The following SBNO2 variants were observed in gnomAD, a reference collection of about 807,000 sequenced individuals.
The protein encoded by SBNO2 is protein strawberry notch homolog 2.
In SBNO2, 89 loss-of-function variants were observed where a neutral mutation model predicts 146.3. The observed-to-expected ratio is 0.61, with a 90% CI of 0.51 to 0.73. SBNO2 has a LOEUF of 0.73. Ranked by LOEUF, SBNO2 falls within the 30% of genes least tolerant of loss-of-function variation. SBNO2 has a pLI of 0.00. For missense variants in SBNO2, 2,092 were observed against 2,003.7 expected, an observed-to-expected ratio of 1.04 and a Z score of -0.84; for synonymous variants, 1,147 against 892.6, an observed-to-expected ratio of 1.29 and a Z score of -5.08.
intron 17 of SBNO2, 134 bp from the exon 18 acceptor site, chr19:1,114,556 G>A: frequency 1.4e-6 from 1 of 710,222 alleles, no homozygotes; most frequent in South Asian, 2.3e-5. Context: ...CTGCCTCTGG[G>A]CAAGCAGCTC....
intron 4 of SBNO2, among the ~76,000 whole-genome samples, chr19:1,142,961 T>C (rs1169267509): frequency 6.6e-6 from 1 of 151,740 alleles, no homozygotes; most frequent in Admixed American, 6.6e-5. Flanking sequence ...TAAGAGTCGG[T>C]CTCCAGAAAA....
At chr19:1,151,114 A>G (rs2080238456) in intron 2 of SBNO2, among the ~76,000 whole-genome samples, 2 of 152,212 alleles carry the variant, frequency 1.3e-5, no homozygotes, top group Non-Finnish European at 2.9e-5. Context: ...GAAGAGAGAA[A>G]GCCAGCCCTG....
In SBNO2 at chr19:1,123,036, C is replaced by A; in HGVS notation, c.638G>T (p.Gly213Val). ...ADYVPSKSKI[G>V]KQHPDRVVET... The stretch of plus-strand genomic sequence containing the variant: ...CACCACGCGGTCTGGGTGCTGCTTC[C>A]CGATCTTGGCTGGAGGAGCAAGGAC... Residue 213 changes from glycine to valine, a missense_variant, in exon 8 of 32, where the codon GGG becomes GTG. Gly to Val is a moderately radical substitution (Grantham distance 109). Transcript: ENST00000361757. The A allele has an allele frequency of 6.3e-7, 1 of 1,592,240 alleles. No homozygotes were observed. Among genetic ancestry groups the A allele is most frequent in the East Asian group, 2.3e-5 (1 of 43,814 alleles).
chr19:1,117,069 C>T, intron 15 of SBNO2, 143 bp from the exon 16 acceptor site: 1 of 838,214 alleles, frequency 1.2e-6, no homozygotes, highest in Admixed American at 2.6e-5. Flanking sequence ...GGCCCCCCTA[C>T]AACACACACT....
Position 1,122,572 on chromosome 19 carries a change from G to A in SBNO2, c.915-14C>T. The A allele has an allele frequency of 6.5e-7, 1 of 1,527,004 alleles. No individual in the cohort carries two copies. Among genetic ancestry groups the A allele is most frequent in the East Asian group, 2.5e-5 (1 of 40,612 alleles). The allele number at this position is 1,527,004 out of a possible 1,614,324, so 94.6% of individuals were successfully genotyped here. On this transcript the variant is annotated splice_polypyrimidine_tract_variant and intron_variant, in intron 9 of 31. Transcript: ENST00000361757. ...GAGACGCTGAACCTGCGGGGTGGGG[G>A]CGTCAGGCGCGCCCACCCTTCCCCC...
intron 2 of SBNO2, among the ~76,000 whole-genome samples, chr19:1,152,928 G>A (rs116958644): frequency 0.05 from 7,625 of 152,168 alleles, 366 homozygotes; most frequent in East Asian, 0.25. Flanking sequence ...CAAGGCAGGC[G>A]GGTCAACTGA....
chr19:1,157,825 G>A lies in SBNO2; in HGVS notation c.-126-3423C>T, dbSNP rs191269440. Among the ~76,000 whole-genome samples the A allele has an allele frequency of 1.3e-5, 2 of 151,770 alleles. No individual in the cohort carries two copies. Among genetic ancestry groups the A allele is most frequent in the Admixed American group, 1.3e-4 (2 of 15,272 alleles). The stretch of plus-strand genomic sequence containing the variant: ...CGCCTCCCAGCTCTCTCCTGAGTCC[G>A]GGTAACTGCGTCCGCCTCCCAGCTC... On this transcript the variant is annotated intron_variant, in intron 1 of 31. Transcript: ENST00000361757. The surrounding 1 kb of genome is among the most constrained non-coding windows in gnomAD (Gnocchi z 6.8).
chr19:1,109,426 G>A lies in SBNO2; in HGVS notation c.3217-3C>T, dbSNP rs1204565170. The A allele has an allele frequency of 6.4e-7, 1 of 1,563,382 alleles. No homozygotes were observed. Among genetic ancestry groups the A allele is most frequent in the Non-Finnish European group, 8.7e-7 (1 of 1,155,084 alleles). ...CAGCTGGGCTTGTTACCGCGGACCTGCGGAGGGGGGCGTTGAGGCCGCGCC... is the reference window on the plus strand; with the variant it reads ...CAGCTGGGCTTGTTACCGCGGACCTACGGAGGGGGGCGTTGAGGCCGCGCC... On this transcript the variant is annotated splice_polypyrimidine_tract_variant and splice_region_variant and intron_variant, in intron 28 of 31. Coordinates refer to ENST00000361757, the MANE Select transcript of SBNO2 (RefSeq NM_014963.3). This position sits in a 1 kb window ranked among gnomAD's most constrained non-coding sequence, Gnocchi z 4.2.
Position 1,165,382 on chromosome 19 carries a change from C to T in SBNO2, c.-127+8790G>A, listed in dbSNP as rs528725580. Among the ~76,000 whole-genome samples, 208 of 152,296 alleles carry T rather than the reference C, an allele frequency of 1.4e-3. 3 individuals carry two copies. The highest frequency in any genetic ancestry group is 4.7e-3 in the African/African-American group (197 of 41,560). On this transcript the variant is annotated intron_variant, in intron 1 of 31. Coordinates refer to ENST00000361757, the MANE Select transcript of SBNO2 (RefSeq NM_014963.3). The stretch of plus-strand genomic sequence containing the variant: ...CCAGGGGGACGTCGTGGCTGAGATG[C>T]GAGCAGGGTGCCGGGCACCCCCAAG...
intron 4 of SBNO2, among the ~76,000 whole-genome samples, chr19:1,131,713 G>T (rs1177474400): frequency 6.6e-6 from 1 of 152,180 alleles, no homozygotes; most frequent in African/African-American, 2.4e-5. Context: ...GAAAGCCACA[G>T]CTCTGGGTCC....
intron 1 of SBNO2, among the ~76,000 whole-genome samples, chr19:1,171,926 A>G (rs776496527): frequency 2.0e-5 from 3 of 152,186 alleles, no homozygotes; most frequent in Non-Finnish European, 4.4e-5. Context: ...CTCCAAAGCC[A>G]ACCAAGAGTG....
chr19:1,142,161 A>ATGATCAACCCTCC, intron 4 of SBNO2, among the ~76,000 whole-genome samples: 1 of 2,624 alleles, frequency 3.8e-4, no homozygotes, highest in African/African-American at 1.3e-3. Flanking sequence ...ATCAATCCTC[A>ATGATCAACCCTCC]CTCAATGACC....
At position 1,158,377 on chromosome 19, in the gene SBNO2, A is replaced by T. The variant is rs961853569; in HGVS notation, c.-126-3975T>A. ...TGTGGACACGGAGGCCCCTAGGTGG[A>T]GCCTTGACGTGACCCCCAGAGCCAG... On this transcript the variant is annotated intron_variant, in intron 1 of 31. Transcript: ENST00000361757. The surrounding 1 kb of genome is among the most constrained non-coding windows in gnomAD (Gnocchi z 9.9). Among the ~76,000 whole-genome samples, 3 of 151,986 alleles carry T rather than the reference A, an allele frequency of 2.0e-5. No individual in the cohort carries two copies. Among genetic ancestry groups the T allele is most frequent in the African/African-American group, 4.8e-5 (2 of 41,356 alleles).
intron 4 of SBNO2, chr19:1,131,993 G>C: frequency 1.1e-6 from 1 of 886,290 alleles, no homozygotes; most frequent in Non-Finnish European, 1.6e-6. Context: ...ATGAGATGCC[G>C]GCTGCTCCGG....
At chr19:1,152,515 G>A (rs1251940627) in intron 2 of SBNO2, among the ~76,000 whole-genome samples, 2 of 152,136 alleles carry the variant, frequency 1.3e-5, no homozygotes, top group African/African-American at 4.8e-5. Flanking sequence ...CCAGGAGGCT[G>A]ACCGACGGCC....
At position 1,108,831 on chromosome 19, in the gene SBNO2, G is replaced by A. The variant is rs1390652040; in HGVS notation, c.3564C>T (p.Ser1188=). 1.2e-6 allele frequency: 2 copies of A among 1,602,018 alleles called. No homozygotes were observed. The highest frequency in any genetic ancestry group is 1.3e-5 in the African/African-American group (1 of 74,968). Residue 1188 remains serine (S), a synonymous_variant, in exon 31 of 32, where the codon AGC becomes AGT. Transcript: ENST00000361757. The stretch of plus-strand genomic sequence containing the variant: ...TCAGCCGCACGATCTGCAGGTAGCT[G>A]CTGCTGCTGACGTCGGCCATGACGG... ...IAAVMADVSS[S]SYLQIVRLKT...
At chr19:1,165,854 C>A (rs2080412520) in intron 1 of SBNO2, among the ~76,000 whole-genome samples, 1 of 107,018 alleles carries the variant, frequency 9.3e-6, no homozygotes, top group Non-Finnish European at 1.9e-5. Flanking sequence ...AGATCTCAGA[C>A]CCCAGATCCC....
intron 5 of SBNO2, 93 bp downstream of exon 5, chr19:1,127,511 G>A (rs748494364): frequency 1.9e-5 from 23 of 1,203,588 alleles, no homozygotes; most frequent in Admixed American, 1.2e-4. Flanking sequence ...CGCAGAGTGG[G>A]GGAGACTGAG....
Position 1,122,495 on chromosome 19 carries a change from C to T in SBNO2, c.978G>A (p.Thr326=), listed in dbSNP as rs372455014. The T allele has an allele frequency of 9.2e-5, 144 of 1,573,058 alleles. No homozygotes were observed. In the African/African-American group the frequency reaches 1.5e-3, roughly 17 times the overall value. The change falls in exon 10 of 32, where the codon ACG becomes ACA. Residue 326 remains threonine, a synonymous_variant. Transcript: ENST00000361757. ...TGCTGAGCGCGTGCACCGCGATGCC[C>T]GTGGCTTCGATGTCCCGCAGGTCGC... The part of the protein sequence containing the change: ...AERDLRDIEA[T]GIAVHALSKI...
Sources: allele counts gnomAD v4.1 joint callset (sites outside exome capture counted in the v4.1 genomes callset), GRCh38; gene constraint gnomAD v4.1.1; non-coding constraint Gnocchi (gnomAD v3.1); transcripts MANE v1.5; gene names NCBI Gene and HGNC (gene_info 2026-07-23, HGNC 2026-07-21).